AOPEP: variants seen among roughly 807,000 people sequenced by gnomAD.
AOPEP encodes the protein aminopeptidase O.
AOPEP carries 77 observed loss-of-function variants against 98.1 expected under a neutral mutation model. That is an observed-to-expected ratio of 0.78 (90% CI 0.65 to 0.95). The LOEUF (loss-of-function observed/expected upper bound fraction) is 0.95. AOPEP is among the 40% of genes least tolerant of loss of function. The pLI, the probability that AOPEP is intolerant of heterozygous loss-of-function variation, is 0.00. For missense variants in AOPEP, 1,024 were observed against 1,024.7 expected (o/e 1.00, Z 0.01); for synonymous variants, 346 against 365.3 (o/e 0.95, Z 0.60).
At chr9:95,125,275 C>CT in the AOPEP span, 8 of 1,022,888 alleles carry the variant, frequency 7.8e-6, no homozygotes, top group African/African-American at 1.6e-5. Context: ...AGTAGAAACA[C>CT]TTTTTTTGTG....
chr9:94,960,677 G>A (rs924917103), intron 9 of AOPEP, among the ~76,000 whole-genome samples: 9 of 151,718 alleles, frequency 5.9e-5, no homozygotes, highest in Non-Finnish European at 1.2e-4. Context: ...ATTTGTGTTC[G>A]TTGCAGACTC....
intron 5 of AOPEP, among the ~76,000 whole-genome samples, chr9:94,821,719 G>T (rs1853180625): frequency 6.6e-6 from 1 of 152,176 alleles, no homozygotes; most frequent in Non-Finnish European, 1.5e-5. Context: ...AGTAGGCAGA[G>T]CCTATGCTGC....
chr9:94,745,633 G>C (rs949853265), intron 1 of AOPEP, among the ~76,000 whole-genome samples: 8 of 152,106 alleles, frequency 5.3e-5, no homozygotes, highest in African/African-American at 1.9e-4. Flanking sequence ...GTCTTTCTGT[G>C]CCTGTCTTTT....
intron 1 of AOPEP, among the ~76,000 whole-genome samples, chr9:94,734,207 G>GT (rs1174054833): frequency 2.0e-5 from 3 of 152,160 alleles, no homozygotes; most frequent in Admixed American, 1.3e-4. Flanking sequence ...AAATCCTAGG[G>GT]TGGGGGAGCT....
At chr9:95,060,600 T>C (rs1379226167) in intron 13 of AOPEP, 94 bp from the exon 14 acceptor site, 22 of 832,968 alleles carry the variant, frequency 2.6e-5, no homozygotes, top group Non-Finnish European at 4.4e-5. Context: ...AGCACCCAGG[T>C]TACCCTGGGT....
At chr9:94,995,046 A>G (rs2061135135) in intron 11 of AOPEP, among the ~76,000 whole-genome samples, 1 of 152,198 alleles carries the variant, frequency 6.6e-6, no homozygotes, top group Non-Finnish European at 1.5e-5. Context: ...CAGAAATGGA[A>G]TTATCTCCTT....
intron 1 of AOPEP, among the ~76,000 whole-genome samples, chr9:94,733,579 T>C (rs1275446432): frequency 6.6e-6 from 1 of 152,218 alleles, no homozygotes; most frequent in African/African-American, 2.4e-5. Flanking sequence ...GTTTACACTT[T>C]TTTCTTCAGC....
chr9:94,929,065 A>G (rs1339516717), intron 7 of AOPEP, among the ~76,000 whole-genome samples: 2 of 151,986 alleles, frequency 1.3e-5, no homozygotes, highest in Non-Finnish European at 1.5e-5. Flanking sequence ...GTGCAGGATT[A>G]TTTCATGCCA....
chr9:94,779,411 C>T (rs1270067686), intron 3 of AOPEP, among the ~76,000 whole-genome samples: 1 of 152,186 alleles, frequency 6.6e-6, no homozygotes, highest in Admixed American at 6.5e-5. Flanking sequence ...TGCAGTAAAG[C>T]CTTGTGTTTG....
intron 11 of AOPEP, among the ~76,000 whole-genome samples, chr9:94,993,557 G>T (rs762107112): frequency 4.6e-5 from 7 of 152,176 alleles, no homozygotes; most frequent in African/African-American, 2.4e-5. Context: ...GGGTTGAAAT[G>T]ATCAAACCCA....
chr9:95,016,142 TC>T (rs568322048), intron 13 of AOPEP, among the ~76,000 whole-genome samples: 37 of 148,836 alleles, frequency 2.5e-4, no homozygotes, highest in African/African-American at 9.2e-4. Flanking sequence ...TTTTTTTTTT[TC>T]CCCCCACGGT....
At chr9:95,034,601 C>T (rs1435269462) in intron 13 of AOPEP, among the ~76,000 whole-genome samples, 1 of 152,246 alleles carries the variant, frequency 6.6e-6, no homozygotes, top group Non-Finnish European at 1.5e-5. Flanking sequence ...CCTTGAATCA[C>T]ACACAGTGGC....
At chr9:94,957,546 G>A (rs2058549262) in intron 9 of AOPEP, among the ~76,000 whole-genome samples, 1 of 152,102 alleles carries the variant, frequency 6.6e-6, no homozygotes, top group African/African-American at 2.4e-5. Flanking sequence ...TTTCTTCATA[G>A]CAACTTTATT....
chr9:94,870,858 C>T lies in AOPEP; in HGVS notation c.1365-53128C>T, dbSNP rs116695287. 1.7e-3 allele frequency among the ~76,000 whole-genome samples: 264 copies of T among 152,338 alleles called. 1 individual carries two copies. Among genetic ancestry groups the T allele is most frequent in the African/African-American group, 6.1e-3 (252 of 41,568 alleles). On this transcript the variant is annotated intron_variant, in intron 5 of 16. Coordinates refer to ENST00000375315, the MANE Select transcript of AOPEP (RefSeq NM_001193329.3). ...AGACCTGCCTTTGGCTTCAAAGGAT[C>T]GCTGCCCTACTTGAGGTCTGTCTGT...
intron 13 of AOPEP, among the ~76,000 whole-genome samples, chr9:95,056,028 T>C (rs943979550): frequency 2.0e-5 from 3 of 152,220 alleles, no homozygotes; most frequent in African/African-American, 7.2e-5. Context: ...TCTGTGTGTT[T>C]CAGACAGACT....
intron 7 of AOPEP, chr9:94,928,838 G>C: frequency 3.6e-6 from 1 of 276,776 alleles, no homozygotes; most frequent in Non-Finnish European, 6.8e-6. Context: ...GAGGGTTGGG[G>C]TTTGGCAGCC....
intron 5 of AOPEP, among the ~76,000 whole-genome samples, chr9:94,872,562 G>A (rs185628319): frequency 1.7e-3 from 259 of 152,222 alleles, no homozygotes; most frequent in Non-Finnish European, 2.9e-3. Context: ...TCATACCACC[G>A]TGTCTCCTAT....
intron 5 of AOPEP, among the ~76,000 whole-genome samples, chr9:94,893,362 T>C (rs2049090446): frequency 6.6e-6 from 1 of 151,994 alleles, no homozygotes; most frequent in South Asian, 2.1e-4. Flanking sequence ...AGAATGAGTC[T>C]AGTCAGTGAG....
At chr9:94,998,424 A>G (rs2061369048) in intron 11 of AOPEP, among the ~76,000 whole-genome samples, 1 of 152,116 alleles carries the variant, frequency 6.6e-6, no homozygotes, top group Non-Finnish European at 1.5e-5. Context: ...TCTTCTCTCT[A>G]GCAGTCTAAG....
Sources: allele counts gnomAD v4.1 joint callset (sites outside exome capture counted in the v4.1 genomes callset), GRCh38; gene constraint gnomAD v4.1.1; transcripts MANE v1.5; gene names NCBI Gene and HGNC (gene_info 2026-07-23, HGNC 2026-07-21).